LRMDA: variants seen among roughly 807,000 people sequenced by gnomAD.
LRMDA encodes leucine-rich melanocyte differentiation-associated protein.
LRMDA carries 18 observed loss-of-function variants against 29.8 expected under a neutral mutation model. The observed-to-expected ratio is 0.60, with a 90% CI of 0.42 to 0.90. The LOEUF is 0.90. Ranked by LOEUF, LRMDA falls within the 40% of genes least tolerant of loss-of-function variation. LRMDA has a pLI of 0.00. For synonymous variants in LRMDA, 125 were observed against 109.4 expected (o/e 1.14, Z -0.89); for missense variants, 273 against 273.9 (o/e 1.00, Z 0.02).
chr10:75,965,653 G>A (rs1846846608), intron 2 of LRMDA, among the ~76,000 whole-genome samples: 1 of 152,142 alleles, frequency 6.6e-6, no homozygotes, highest in Non-Finnish European at 1.5e-5. Flanking sequence ...GCTTGGCCCG[G>A]CTCAGTTTCC....
chr10:75,470,279 T>C (rs1332611649), intron 2 of LRMDA, among the ~76,000 whole-genome samples: 2 of 152,216 alleles, frequency 1.3e-5, no homozygotes, highest in African/African-American at 4.8e-5. Flanking sequence ...GGCAGATCAC[T>C]TGAGGACAGG....
At chr10:75,488,307 G>A (rs1048118750) in intron 2 of LRMDA, among the ~76,000 whole-genome samples, 1 of 152,038 alleles carries the variant, frequency 6.6e-6, no homozygotes, top group Non-Finnish European at 1.5e-5. Flanking sequence ...CCACCTTTTT[G>A]AAATCGTTAG....
At chr10:75,479,278 C>T (rs1436330373) in intron 2 of LRMDA, among the ~76,000 whole-genome samples, 5 of 151,998 alleles carry the variant, frequency 3.3e-5, no homozygotes, top group Admixed American at 6.6e-5. Flanking sequence ...GAGGCCGAGG[C>T]GGGTGGATCA....
chr10:75,728,939 C>A (rs1842663281), intron 2 of LRMDA, among the ~76,000 whole-genome samples: 1 of 152,060 alleles, frequency 6.6e-6, no homozygotes, highest in Admixed American at 6.6e-5. Flanking sequence ...TCAGTCCTGC[C>A]CACCTTCTCT....
chr10:76,423,615 A>G lies in LRMDA; in HGVS notation c.601+99130A>G, dbSNP rs192366749. ...TTTCACAAGAGTTTGAAATAAAATA[A>G]TTAAAAATTAATAAATTTTGTTATA... is the stretch of plus-strand genomic sequence containing the variant. On this transcript the variant is annotated intron_variant, in intron 6 of 6. Transcript: ENST00000611255. Among the ~76,000 whole-genome samples, 256 of 152,296 alleles carry G rather than the reference A, an allele frequency of 1.7e-3. 3 individuals are homozygous for G. The highest frequency in any genetic ancestry group is 1.3e-3 in the Non-Finnish European group (90 of 68,014).
intron 6 of LRMDA, among the ~76,000 whole-genome samples, chr10:76,390,179 C>T (rs190279945): frequency 9.2e-5 from 14 of 152,222 alleles, no homozygotes; most frequent in Admixed American, 6.5e-4. Flanking sequence ...CTTGTTTGCT[C>T]GCTTTTAAAA....
At chr10:76,022,383 C>G (rs374532894) in intron 2 of LRMDA, among the ~76,000 whole-genome samples, 3 of 152,326 alleles carry the variant, frequency 2.0e-5, no homozygotes, top group African/African-American at 7.2e-5. Flanking sequence ...TTTCTTAGGC[C>G]TCAACGGCAG....
At chr10:76,158,234 A>T (rs1001921429) in intron 5 of LRMDA, among the ~76,000 whole-genome samples, 6 of 152,070 alleles carry the variant, frequency 3.9e-5, no homozygotes, top group African/African-American at 1.4e-4. Context: ...AGACCATTTA[A>T]CCTGCATTTA....
In LRMDA at chr10:76,147,332, T is replaced by C. The variant is rs543415651; in HGVS notation, c.516+88549T>C. On this transcript the variant is annotated intron_variant, in intron 5 of 6. Coordinates refer to ENST00000611255, the MANE Select transcript of LRMDA (RefSeq NM_001305581.2). ...CACTTTCAGGTACACCAATCAGACG[T>C]AGATTTGGTCTTTTCACATAGTCCC... Among the ~76,000 whole-genome samples the C allele has an allele frequency of 1.7e-4, 26 of 152,234 alleles. No homozygotes were observed. In the South Asian group the frequency reaches 5.2e-3, roughly 30 times the overall value.
At chr10:75,726,162 G>C (rs530285955) in intron 2 of LRMDA, among the ~76,000 whole-genome samples, 2 of 152,336 alleles carry the variant, frequency 1.3e-5, no homozygotes, top group South Asian at 4.2e-4. Context: ...ATGGATGAAA[G>C]CAGGAAGGGC....
At chr10:76,399,344 T>C (rs1026903142) in intron 6 of LRMDA, among the ~76,000 whole-genome samples, 1 of 152,236 alleles carries the variant, frequency 6.6e-6, no homozygotes, top group African/African-American at 2.4e-5. Context: ...GCAGACATAC[T>C]AAAGTTTTTG....
intron 2 of LRMDA, among the ~76,000 whole-genome samples, chr10:75,784,989 A>T (rs1403091191): frequency 6.6e-6 from 1 of 152,200 alleles, no homozygotes; most frequent in African/African-American, 2.4e-5. Flanking sequence ...CTCTAGCCAG[A>T]TTCTCCATGC....
intron 2 of LRMDA, among the ~76,000 whole-genome samples, chr10:75,919,324 C>CATTT (rs1308767060): frequency 6.6e-6 from 1 of 152,156 alleles, no homozygotes; most frequent in Non-Finnish European, 1.5e-5. Context: ...GCTCAAGATT[C>CATTT]ATTTACTCAG....
rs146455862 is a variant in LRMDA at position 75,511,517 on chromosome 10, G to A, written c.131+73023G>A. Among the ~76,000 whole-genome samples the A allele has an allele frequency of 6.6e-4, 101 of 152,244 alleles. No homozygotes were observed. The East Asian group carries it at 0.018, about 28-fold the overall frequency. Reference sequence around the variant, plus strand: ...TACTGGGAGTGCACCTGTGATGTTCGGAAGGTAGGACCCCATGTGTCTCTT... The same window carrying A: ...TACTGGGAGTGCACCTGTGATGTTCAGAAGGTAGGACCCCATGTGTCTCTT... On this transcript the variant is annotated intron_variant, in intron 2 of 6. Coordinates refer to ENST00000611255, the MANE Select transcript of LRMDA (RefSeq NM_001305581.2).
intron 5 of LRMDA, among the ~76,000 whole-genome samples, chr10:76,284,550 G>A (rs1482781296): frequency 6.6e-6 from 1 of 152,200 alleles, no homozygotes; most frequent in African/African-American, 2.4e-5. Context: ...TGTTACAGCA[G>A]CACTGGGAAA....
In LRMDA at chr10:76,008,503, A is replaced by G. The variant is rs1847714436; in HGVS notation, c.132-27505A>G. On this transcript the variant is annotated intron_variant, in intron 2 of 6. Transcript: ENST00000611255. ...CAAAAAACAAACACTGTTTGCCTTC[A>G]ATTCCGAGGCTGGCTTCTCTCTTGA... Among the ~76,000 whole-genome samples, 3 of 152,216 alleles carry G rather than the reference A, an allele frequency of 2.0e-5. No individual in the cohort carries two copies. In the South Asian group the frequency reaches 6.2e-4, roughly 31 times the overall value.
intron 2 of LRMDA, among the ~76,000 whole-genome samples, chr10:75,771,333 C>CTAAG (rs1221296302): frequency 1.3e-5 from 2 of 151,658 alleles, no homozygotes; most frequent in African/African-American, 4.9e-5. Flanking sequence ...TTAACACCTA[C>CTAAG]TAAGTATATG....
rs187630187 is a variant in LRMDA, at chr10:76,362,748, C to A, written c.601+38263C>A. Among the ~76,000 whole-genome samples the A allele has an allele frequency of 1.0e-3, 153 of 152,026 alleles. No individual in the cohort carries two copies. The Middle Eastern group carries it at 0.031, about 30-fold the overall frequency. The stretch of plus-strand genomic sequence containing the variant: ...TCTTTCTTTTGTCTTTGATTTCTAC[C>A]TAGAAAATGGGGGTAAGTTGGAAGA... On this transcript the variant is annotated intron_variant, in intron 6 of 6. Transcript: ENST00000611255.
At chr10:76,381,008 A>G (rs1161559784) in intron 6 of LRMDA, among the ~76,000 whole-genome samples, 2 of 142,366 alleles carry the variant, frequency 1.4e-5, no homozygotes, top group East Asian at 4.1e-4. Flanking sequence ...ATTATTGTAA[A>G]TTTTTATCTT....
Sources: allele counts gnomAD v4.1 joint callset (sites outside exome capture counted in the v4.1 genomes callset), GRCh38; gene constraint gnomAD v4.1.1; transcripts MANE v1.5; gene names NCBI Gene and HGNC (gene_info 2026-07-23, HGNC 2026-07-21).